The following DTNB variants were observed in gnomAD, a reference collection of about 807,000 sequenced individuals.
The protein encoded by DTNB is DTN-B.
In DTNB, 63 loss-of-function variants were observed where a neutral mutation model predicts 90.7. The observed-to-expected ratio is 0.69, with a 90% confidence interval of 0.57 to 0.86. The LOEUF (loss-of-function observed/expected upper bound fraction) is 0.86. Among genes scored for constraint, DTNB ranks in the 40% least tolerant of loss-of-function variants. The pLI is 0.00. For synonymous variants in DTNB, 277 were observed against 286.7 expected (o/e 0.97, Z 0.34); for missense variants, 744 against 807.1 (o/e 0.92, Z 0.95).
At chr2:25,509,230 T>C (rs11888854) in intron 9 of DTNB, among the ~76,000 whole-genome samples, 2,122 of 152,350 alleles carry the variant, frequency 0.014, 58 homozygotes, top group African/African-American at 0.046. Flanking sequence ...CATTCTTGCA[T>C]TGTTCCCAAT....
rs1225833356 is a variant in DTNB, at chr2:25,667,622, AT to A, written c.-2+5763del. 3.9e-5 allele frequency among the ~76,000 whole-genome samples: 6 copies of A among 152,358 alleles called. No homozygotes were observed. The East Asian group carries it at 1.2e-3, about 29-fold the overall frequency. ...TACAGAACAGTCTGACATACTTATT[AT>A]ATAAGTACATTTAGGGTACTTGGAC... On this transcript the variant is annotated intron_variant, in intron 1 of 20. Coordinates refer to ENST00000406818, the MANE Select transcript of DTNB (RefSeq NM_021907.5).
At chr2:25,564,847 A>G (rs765493767) in intron 8 of DTNB, among the ~76,000 whole-genome samples, 4 of 152,204 alleles carry the variant, frequency 2.6e-5, no homozygotes, top group Non-Finnish European at 5.9e-5. Flanking sequence ...AAATATAACT[A>G]ATTTTTGCAT....
intron 4 of DTNB, among the ~76,000 whole-genome samples, chr2:25,625,744 C>A (rs2073993997): frequency 6.6e-6 from 1 of 151,960 alleles, no homozygotes. Flanking sequence ...GCCATCTCTG[C>A]CCTCTTCCTT....
chr2:25,522,162 A>C (rs1237604503), intron 9 of DTNB, among the ~76,000 whole-genome samples: 1 of 152,238 alleles, frequency 6.6e-6, no homozygotes, highest in African/African-American at 2.4e-5. Flanking sequence ...CCTGGAAGTA[A>C]GAGAAGTTGC....
intron 4 of DTNB, among the ~76,000 whole-genome samples, chr2:25,620,472 G>A (rs2072236414): frequency 6.6e-6 from 1 of 152,144 alleles, no homozygotes; most frequent in African/African-American, 2.4e-5. Context: ...AACACACTCA[G>A]AATAAAGCAT....
At chr2:25,655,416 G>A (rs938907990) in intron 1 of DTNB, among the ~76,000 whole-genome samples, 32 of 152,144 alleles carry the variant, frequency 2.1e-4, no homozygotes, top group African/African-American at 7.5e-4. Flanking sequence ...CCTTCCTTTT[G>A]ATGAAAGCAT....
At position 25,596,244 on chromosome 2, in the gene DTNB, T is replaced by C. The variant is rs1350315351; in HGVS notation, c.449-4A>G. ...TCTGACATCTGGGAGAAAACATCTA[T>C]GAGAACAAAACCAAATAAAGTCAAG... On this transcript the variant is annotated splice_region_variant and splice_polypyrimidine_tract_variant and intron_variant, in intron 5 of 20. Coordinates refer to ENST00000406818, the MANE Select transcript of DTNB (RefSeq NM_021907.5). 6 of 1,603,696 alleles carry C rather than the reference T, an allele frequency of 3.7e-6. No individual in the cohort carries two copies. Among genetic ancestry groups the C allele is most frequent in the South Asian group, 2.2e-5 (2 of 89,324 alleles).
In DTNB at chr2:25,559,637, A is replaced by G. The variant is rs115000748; in HGVS notation, c.876+17201T>C. ...TAGTGGGATGAATGACGGCCCCCCA[A>G]AAGATATGTCCACATCCTAATCTCT... On this transcript the variant is annotated intron_variant, in intron 8 of 20. Coordinates refer to ENST00000406818, the MANE Select transcript of DTNB (RefSeq NM_021907.5). 6.6e-4 allele frequency among the ~76,000 whole-genome samples: 101 copies of G among 152,322 alleles called. 1 individual carries two copies. The highest frequency in any genetic ancestry group is 2.4e-3 in the African/African-American group (99 of 41,576).
chr2:25,570,406 CAAA>C (rs146251976), intron 8 of DTNB, among the ~76,000 whole-genome samples: 196 of 89,922 alleles, frequency 2.2e-3, no homozygotes, highest in African/African-American at 9.3e-3. Flanking sequence ...TTTCCTGTCT[CAAA>C]AAAAAAAAAA....
At chr2:25,508,640 T>C (rs1223331708) in intron 9 of DTNB, among the ~76,000 whole-genome samples, 1 of 151,706 alleles carries the variant, frequency 6.6e-6, no homozygotes, top group Non-Finnish European at 1.5e-5. Flanking sequence ...GTTCAAGCGA[T>C]ACTCCCACCT....
intron 9 of DTNB, among the ~76,000 whole-genome samples, chr2:25,491,158 G>C (rs9752944): frequency 0.012 from 1,851 of 150,572 alleles, 43 homozygotes; most frequent in African/African-American, 0.04. Context: ...CACACACACA[G>C]ACACACACAC....
intron 2 of DTNB, 180 bp from the exon 3 acceptor site, chr2:25,639,274 G>C (rs2077718726): frequency 1.9e-6 from 1 of 515,540 alleles, no homozygotes; most frequent in Non-Finnish European, 3.4e-6. Flanking sequence ...TGCATCTCCA[G>C]TATGTGCAGG....
At chr2:25,464,909 G>A (rs1031115661) in intron 10 of DTNB, among the ~76,000 whole-genome samples, 7 of 152,164 alleles carry the variant, frequency 4.6e-5, no homozygotes, top group African/African-American at 1.4e-4. Flanking sequence ...AGAACAGAAG[G>A]AGCCAGGGAG....
chr2:25,543,451 C>T (rs188609000), intron 8 of DTNB, among the ~76,000 whole-genome samples: 25 of 151,968 alleles, frequency 1.6e-4, no homozygotes, highest in East Asian at 1.5e-3. Flanking sequence ...ATTAGAGGTG[C>T]GCGCCACCAC....
At chr2:25,488,135 T>C (rs1482554593) in intron 9 of DTNB, among the ~76,000 whole-genome samples, 1 of 151,988 alleles carries the variant, frequency 6.6e-6, no homozygotes, top group Non-Finnish European at 1.5e-5. Flanking sequence ...ATATATCATG[T>C]AGGATATATT....
At position 25,424,671 on chromosome 2, in the gene DTNB, A is replaced by AT. The variant is rs751578087; in HGVS notation, c.1554+2863dup. On this transcript the variant is annotated intron_variant, in intron 15 of 20. Coordinates refer to ENST00000406818, the MANE Select transcript of DTNB (RefSeq NM_021907.5). The surrounding 1 kb of genome is among the most constrained non-coding windows in gnomAD (Gnocchi z 4.1). Reference sequence around the variant, plus strand: ...CAGGGAAGAGGTGAGTGGATCCCCTATTTTTTTTTTTTTTGAGACTGAGTC... The same window carrying AT: ...CAGGGAAGAGGTGAGTGGATCCCCTATTTTTTTTTTTTTTTGAGACTGAGTC... Among the ~76,000 whole-genome samples, 2,192 of 141,698 alleles carry AT rather than the reference A, an allele frequency of 0.015. 45 individuals carry two copies. Among genetic ancestry groups the AT allele is most frequent in the African/African-American group, 0.043 (1,683 of 38,852 alleles). The allele number at this position is 141,698 out of a possible 152,430, so 93.0% of individuals were successfully genotyped here. A position where few individuals can be genotyped will look rare whatever the true frequency, so the allele number is the denominator to read the frequency against.
intron 19 of DTNB, among the ~76,000 whole-genome samples, chr2:25,381,620 CCT>C (rs1218422921): frequency 6.6e-6 from 1 of 152,184 alleles, no homozygotes; most frequent in Non-Finnish European, 1.5e-5. Context: ...AAGTGATCCC[CCT>C]GCCTCAGCCT....
intron 8 of DTNB, among the ~76,000 whole-genome samples, chr2:25,549,318 C>T (rs983278149): frequency 2.6e-5 from 4 of 151,682 alleles, no homozygotes; most frequent in Non-Finnish European, 5.9e-5. Flanking sequence ...TTTCTTTTCT[C>T]CTACTTTCCT....
chr2:25,575,892 C>T (rs926384170), intron 8 of DTNB, among the ~76,000 whole-genome samples: 9 of 151,736 alleles, frequency 5.9e-5, no homozygotes, highest in Admixed American at 5.9e-4. Flanking sequence ...TGGAAATAAA[C>T]TGAGAGAAAG....
Sources: gnomAD v4.1 joint callset for allele counts (sites outside exome capture counted in the v4.1 genomes callset) on GRCh38, gnomAD v4.1.1 for gene constraint, Gnocchi (gnomAD v3.1) non-coding constraint, MANE v1.5 for transcripts, NCBI Gene and HGNC (gene_info 2026-07-23, HGNC 2026-07-21) for gene names.